Variants in AP4E1 observed in about 807,000 individuals in gnomAD.
AP4E1 encodes AP-4 complex subunit epsilon-1.
Under a neutral mutation model 128.2 loss-of-function variants are expected in AP4E1, and 56 were observed. That is an observed-to-expected ratio of 0.44 (90% CI 0.35 to 0.55). The LOEUF (loss-of-function observed/expected upper bound fraction) is 0.55, where lower values mean the gene tolerates loss of function less well. Among genes scored for constraint, AP4E1 ranks in the 20% least tolerant of loss-of-function variants. AP4E1 has a pLI of 0.00. For synonymous variants in AP4E1, 484 were observed against 473.1 expected (o/e 1.02, Z -0.30); for missense variants, 1,324 against 1,307.7 (o/e 1.01, Z -0.19).
intron 13 of AP4E1, among the ~76,000 whole-genome samples, chr15:50,955,659 C>T (rs1460664043): frequency 1.3e-5 from 2 of 152,176 alleles, no homozygotes; most frequent in Admixed American, 6.5e-5. Flanking sequence ...GACACACTCC[C>T]ATCAGAGAAA....
intron 15 of AP4E1, among the ~76,000 whole-genome samples, chr15:50,979,456 C>G (rs1056583439): frequency 8.5e-5 from 13 of 152,186 alleles, no homozygotes; most frequent in African/African-American, 3.1e-4. Context: ...GCATGAAGGC[C>G]CTTGCCAAAT....
intron 7 of AP4E1, among the ~76,000 whole-genome samples, chr15:50,932,793 T>C (rs906199546): frequency 6.6e-6 from 1 of 152,216 alleles, no homozygotes; most frequent in African/African-American, 2.4e-5. Flanking sequence ...TGTTTATGAA[T>C]CTCAACTACT....
chr15:50,940,537 G>A (rs1482845679), intron 8 of AP4E1, among the ~76,000 whole-genome samples: 4 of 152,150 alleles, frequency 2.6e-5, no homozygotes, highest in Non-Finnish European at 5.9e-5. Context: ...AATAGAGAAG[G>A]AGTGATTGTA....
At position 51,002,773 on chromosome 15, in the gene AP4E1, C is replaced by G; in HGVS notation, c.*111C>G. 1 of 1,331,186 alleles carries G rather than the reference C, an allele frequency of 7.5e-7. No individual in the cohort carries two copies. The highest frequency in any genetic ancestry group is 2.0e-5 in the Admixed American group (1 of 51,088). The allele number at this position is 1,331,186 out of a possible 1,614,324, so 82.5% of individuals were successfully genotyped here. On this transcript the variant is annotated 3_prime_UTR_variant, in exon 21 of 21. Coordinates refer to ENST00000261842, the MANE Select transcript of AP4E1 (RefSeq NM_007347.5). ...CTTCTAATGAAAATGGGGATTATTA[C>G]AAGTGTGGTTTATATGTTTTCTTTG... is the stretch of plus-strand genomic sequence containing the variant.
At position 50,915,540 on chromosome 15, in the gene AP4E1, C is replaced by T. The variant is rs2063619502; in HGVS notation, c.315C>T (p.Ala105=). The T allele has an allele frequency of 6.2e-7, 1 of 1,613,276 alleles. No homozygotes were observed. The highest frequency in any genetic ancestry group is 8.5e-7 in the Non-Finnish European group (1 of 1,179,706). Reference sequence around the variant, plus strand: ...GCTATATTCATGCAATCAAGTTAGCCCAACAAGGAAACCTCTTAGAAAAAA... The same window carrying T: ...GCTATATTCATGCAATCAAGTTAGCTCAACAAGGAAACCTCTTAGAAAAAA... ...SFGYIHAIKL[A]QQGNLLEKRV... is the part of the protein sequence containing the mutation. The change falls in exon 3 of 21, where the codon GCC becomes GCT. Residue 105 remains alanine, a synonymous_variant. Transcript: ENST00000261842.
intron 17 of AP4E1, among the ~76,000 whole-genome samples, chr15:50,994,125 G>T (rs983319012): frequency 6.6e-6 from 1 of 152,098 alleles, no homozygotes; most frequent in African/African-American, 2.4e-5. Context: ...AAAAAGTACA[G>T]AGTATAAAGT....
intron 3 of AP4E1, among the ~76,000 whole-genome samples, chr15:50,917,737 C>T (rs1247827615): frequency 6.6e-6 from 1 of 152,114 alleles, no homozygotes; most frequent in Non-Finnish European, 1.5e-5. Flanking sequence ...TTCATACTTA[C>T]AGATGAATAA....
intron 3 of AP4E1, among the ~76,000 whole-genome samples, chr15:50,921,889 T>G (rs2063707550): frequency 6.6e-6 from 1 of 152,184 alleles, no homozygotes; most frequent in Non-Finnish European, 1.5e-5. Flanking sequence ...TGGGATATTA[T>G]TCATAACAGA....
At chr15:50,949,563 A>G (rs2064115990) in intron 11 of AP4E1, among the ~76,000 whole-genome samples, 1 of 152,094 alleles carries the variant, frequency 6.6e-6, no homozygotes, top group Non-Finnish European at 1.5e-5. Flanking sequence ...TCTTTCAGTT[A>G]TTTCACATTT....
At chr15:50,918,422 TA>T (rs2063655160) in intron 3 of AP4E1, among the ~76,000 whole-genome samples, 1 of 152,220 alleles carries the variant, frequency 6.6e-6, no homozygotes, top group South Asian at 2.1e-4. Flanking sequence ...CATGTTAGCA[TA>T]GGCAGGAAAT....
chr15:50,956,849 C>A (rs1233275318), intron 13 of AP4E1, among the ~76,000 whole-genome samples: 1 of 152,156 alleles, frequency 6.6e-6, no homozygotes, highest in Non-Finnish European at 1.5e-5. Flanking sequence ...CAGGAAATTC[C>A]CCTTGACCCC....
At chr15:50,945,568 G>C (rs963385107) in intron 10 of AP4E1, 1 of 741,768 alleles carries the variant, frequency 1.3e-6, no homozygotes, top group Non-Finnish European at 2.5e-6. Flanking sequence ...TGCTAGTTTC[G>C]ATAAAGCTAT....
At chr15:50,945,395 G>A in intron 10 of AP4E1, 1 of 778,628 alleles carries the variant, frequency 1.3e-6, no homozygotes, top group Admixed American at 1.7e-5. Flanking sequence ...AATACAGTTT[G>A]TTGGAACCCT....
chr15:50,929,257 TG>T, intron 6 of AP4E1, 89 bp downstream of exon 6: 1 of 1,395,660 alleles, frequency 7.2e-7, no homozygotes. Flanking sequence ...TTTGGTAAAA[TG>T]CTTAGTTAAC....
At chr15:50,955,611 A>G (rs1251211126) in intron 13 of AP4E1, among the ~76,000 whole-genome samples, 2 of 152,128 alleles carry the variant, frequency 1.3e-5, no homozygotes, top group Non-Finnish European at 2.9e-5. Context: ...TGGCTTGCTG[A>G]ACAGTGGGGA....
In AP4E1 at chr15:50,997,897, GTAT is replaced by G; in HGVS notation, c.2904+19_2904+21del. ...GAAAATTTCAAGGTAAAATTTAAAG[GTAT>G]TATTGTTTTATTTTCAGTGTATATT... On this transcript the variant is annotated intron_variant, in intron 18 of 20. Transcript: ENST00000261842. 1 of 1,573,064 alleles carries G rather than the reference GTAT, an allele frequency of 6.4e-7. No individual in the cohort carries two copies. The highest frequency in any genetic ancestry group is 8.7e-7 in the Non-Finnish European group (1 of 1,154,340).
intron 3 of AP4E1, among the ~76,000 whole-genome samples, chr15:50,922,149 A>G (rs2063711180): frequency 7.2e-6 from 1 of 139,772 alleles, no homozygotes. Flanking sequence ...TAACATAGTG[A>G]GACCCTATCT....
rs1194594630 is a variant in AP4E1, at chr15:51,002,852, G to A, written c.*190G>A. 6 of 689,360 alleles carry A rather than the reference G, an allele frequency of 8.7e-6. No individual in the cohort carries two copies. Among genetic ancestry groups the A allele is most frequent in the Non-Finnish European group, 1.4e-5 (6 of 415,798 alleles). 42.7% of individuals were successfully genotyped at this position (689,360 alleles called of 1,614,324 possible). A position where few individuals can be genotyped will look rare whatever the true frequency, so the allele number is the denominator to read the frequency against. Reference sequence around the variant, plus strand: ...ACTGTATCCCTAACCTTTAACTCAGGATTGTACAGTATGTTTAGGTCCCTC... The same window carrying A: ...ACTGTATCCCTAACCTTTAACTCAGAATTGTACAGTATGTTTAGGTCCCTC... On this transcript the variant is annotated 3_prime_UTR_variant, in exon 21 of 21. Transcript: ENST00000261842.
intron 10 of AP4E1, among the ~76,000 whole-genome samples, chr15:50,947,195 C>G (rs1173906694): frequency 1.3e-5 from 2 of 152,084 alleles, no homozygotes; most frequent in African/African-American, 4.8e-5. Flanking sequence ...GTGGGAGGAT[C>G]ACTTGAGCCC....
Sources: gnomAD v4.1 joint callset for allele counts (sites outside exome capture counted in the v4.1 genomes callset) on GRCh38, gnomAD v4.1.1 for gene constraint, MANE v1.5 for transcripts, NCBI Gene and HGNC (gene_info 2026-07-23, HGNC 2026-07-21) for gene names.